The following PRRX1 variants were observed in gnomAD, a reference collection of about 807,000 sequenced individuals.
PRRX1 encodes paired mesoderm homeobox protein 1.
PRRX1 carries 8 observed loss-of-function variants against 24.0 expected under a neutral mutation model. The observed-to-expected ratio is 0.33, with a 90% CI of 0.20 to 0.60. The LOEUF (loss-of-function observed/expected upper bound fraction) is 0.60, where lower values mean the gene tolerates loss of function less well. Ranked by LOEUF, PRRX1 falls within the 20% of genes least tolerant of loss-of-function variation. PRRX1 has a pLI of 0.82. For synonymous variants in PRRX1, 160 were observed against 131.7 expected (o/e 1.22, Z -1.47); for missense variants, 281 against 322.4 (o/e 0.87, Z 0.98).
chr1:170,730,419 A>C (rs1571350794), intron 3 of PRRX1: 1 of 1,327,108 alleles, frequency 7.5e-7, no homozygotes, highest in Non-Finnish European at 1.1e-6. Flanking sequence ...AGTGTTTAAG[A>C]AAGTGGGGGT....
intron 1 of PRRX1, among the ~76,000 whole-genome samples, chr1:170,716,444 C>G (rs906791592): frequency 6.6e-6 from 1 of 151,976 alleles, no homozygotes; most frequent in Non-Finnish European, 1.5e-5. Context: ...ATTAGCTGGG[C>G]GTGGTGGCAG....
chr1:170,666,555 A>G (rs1460330398), intron 1 of PRRX1, among the ~76,000 whole-genome samples: 1 of 152,152 alleles, frequency 6.6e-6, no homozygotes, highest in Admixed American at 6.5e-5. Context: ...TTCGGATACT[A>G]GAGGCTGGAC....
chr1:170,666,114 A>G (rs551179161), intron 1 of PRRX1, among the ~76,000 whole-genome samples: 45 of 152,322 alleles, frequency 3.0e-4, no homozygotes, highest in Middle Eastern at 3.4e-3. Flanking sequence ...ACCAGGGAAA[A>G]TGAAAAACGA....
chr1:170,693,320 G>A (rs920588972), intron 1 of PRRX1, among the ~76,000 whole-genome samples: 5 of 152,114 alleles, frequency 3.3e-5, no homozygotes, highest in Non-Finnish European at 2.9e-5. Context: ...GCATGCAAGT[G>A]TGATTAGGGA....
At chr1:170,671,144 G>A (rs1653129583) in intron 1 of PRRX1, among the ~76,000 whole-genome samples, 1 of 152,188 alleles carries the variant, frequency 6.6e-6, no homozygotes, top group African/African-American at 2.4e-5. Flanking sequence ...CTCCTATTTT[G>A]TTTACTTTCA....
At chr1:170,722,943 G>A (rs1016869729) in intron 2 of PRRX1, among the ~76,000 whole-genome samples, 1 of 152,202 alleles carries the variant, frequency 6.6e-6, no homozygotes, top group Non-Finnish European at 1.5e-5. Context: ...GCACAGGGTA[G>A]GAGCTGGAGC....
At chr1:170,723,593 G>A (rs149488144) in intron 2 of PRRX1, among the ~76,000 whole-genome samples, 13 of 152,330 alleles carry the variant, frequency 8.5e-5, no homozygotes, top group African/African-American at 3.1e-4. Context: ...TGAATTGGAT[G>A]TCCTTGACTT....
At chr1:170,664,505 G>A (rs770720055) in intron 1 of PRRX1, 46 bp downstream of exon 1, 4 of 1,564,550 alleles carry the variant, frequency 2.6e-6, no homozygotes, top group Non-Finnish European at 3.5e-6. Flanking sequence ...CCGGGACAGA[G>A]GGCGGGGACC....
At chr1:170,724,385 T>C (rs1401988768) in intron 2 of PRRX1, among the ~76,000 whole-genome samples, 1 of 152,234 alleles carries the variant, frequency 6.6e-6, no homozygotes, top group Non-Finnish European at 1.5e-5. Context: ...TGATATTGCC[T>C]GTATTTTCTT....
chr1:170,673,685 A>G (rs1653215039), intron 1 of PRRX1, among the ~76,000 whole-genome samples: 1 of 152,112 alleles, frequency 6.6e-6, no homozygotes, highest in Non-Finnish European at 1.5e-5. Flanking sequence ...GAACTAACGA[A>G]CTTTCTTTCC....
chr1:170,727,062 G>A (rs968680637), intron 3 of PRRX1: 2 of 152,096 alleles, frequency 1.3e-5, no homozygotes, highest in African/African-American at 4.8e-5. Flanking sequence ...CTTGTCTGAA[G>A]TTTTCTCTGG....
intron 1 of PRRX1, among the ~76,000 whole-genome samples, chr1:170,696,922 A>AT (rs1258154658): frequency 6.6e-6 from 1 of 152,146 alleles, no homozygotes; most frequent in East Asian, 1.9e-4. Flanking sequence ...TGCCTGGCAC[A>AT]TTTTTTGAAC....
chr1:170,710,027 T>A (rs1654695733), intron 1 of PRRX1, among the ~76,000 whole-genome samples: 1 of 152,202 alleles, frequency 6.6e-6, no homozygotes, highest in Admixed American at 6.5e-5. Context: ...AGAGGTAAAC[T>A]AATGTCTTCT....
chr1:170,717,605 TTTC>T (rs938561343), intron 1 of PRRX1, among the ~76,000 whole-genome samples: 14 of 151,974 alleles, frequency 9.2e-5, no homozygotes, highest in African/African-American at 3.4e-4. Context: ...GCTAAGGATT[TTTC>T]TTTTTTTTTT....
intron 1 of PRRX1, among the ~76,000 whole-genome samples, chr1:170,666,251 C>G (rs908810917): frequency 6.6e-6 from 1 of 151,804 alleles, no homozygotes; most frequent in Admixed American, 6.6e-5. Context: ...AAACCCCTCT[C>G]TCCTAAAAAT....
intron 1 of PRRX1, among the ~76,000 whole-genome samples, chr1:170,680,575 G>T (rs1558046164): frequency 6.6e-6 from 1 of 152,166 alleles, no homozygotes; most frequent in Non-Finnish European, 1.5e-5. Flanking sequence ...CATTTGTGGA[G>T]CATACTGGCA....
At chr1:170,679,461 A>G (rs778524485) in intron 1 of PRRX1, among the ~76,000 whole-genome samples, 2 of 152,076 alleles carry the variant, frequency 1.3e-5, no homozygotes, top group African/African-American at 4.8e-5. Flanking sequence ...GTGCAGTGGC[A>G]CAATTTCGGC....
At chr1:170,723,193 G>A (rs1655144603) in intron 2 of PRRX1, among the ~76,000 whole-genome samples, 1 of 152,176 alleles carries the variant, frequency 6.6e-6, no homozygotes, top group Non-Finnish European at 1.5e-5. Context: ...AGGAGTGTGG[G>A]AAGCCAAGTC....
intron 3 of PRRX1, chr1:170,729,139 C>T (rs1469269167): frequency 6.6e-6 from 1 of 152,210 alleles, no homozygotes; most frequent in Non-Finnish European, 1.5e-5. Flanking sequence ...CTGTTTTCAT[C>T]CAACATGTTA....
Sources: gnomAD v4.1 joint callset for allele counts (sites outside exome capture counted in the v4.1 genomes callset) on GRCh38, gnomAD v4.1.1 for gene constraint, MANE v1.5 for transcripts, NCBI Gene and HGNC (gene_info 2026-07-23, HGNC 2026-07-21) for gene names.